Variants in PITPNA observed in about 807,000 individuals in gnomAD.
PITPNA encodes the protein phosphatidylinositol transfer protein alpha isoform.
PITPNA carries 13 observed loss-of-function variants against 50.3 expected under a neutral mutation model. The ratio of observed to expected loss-of-function variants is 0.26; its 90% CI spans 0.17 to 0.41. The LOEUF (loss-of-function observed/expected upper bound fraction) is 0.41, where lower values mean the gene tolerates loss of function less well. Among genes scored for constraint, PITPNA ranks in the 10% least tolerant of loss-of-function variants. The pLI is 1.00. For missense variants in PITPNA, 207 were observed against 333.4 expected (o/e 0.62, Z 2.95); for synonymous variants, 120 against 119.6 (o/e 1.00, Z -0.02).
At chr17:1,544,372 T>A (rs2075662733) in intron 4 of PITPNA, among the ~76,000 whole-genome samples, 1 of 152,210 alleles carries the variant, frequency 6.6e-6, no homozygotes, top group Non-Finnish European at 1.5e-5. Context: ...ACATTCATCT[T>A]TGTGAGACCC....
intron 10 of PITPNA, among the ~76,000 whole-genome samples, chr17:1,528,391 TTTA>T (rs2075560449): frequency 6.6e-6 from 1 of 152,176 alleles, no homozygotes; most frequent in Non-Finnish European, 1.5e-5. Flanking sequence ...TCAGCCCAAC[TTTA>T]GCCTCCCAAA....
chr17:1,549,201 C>A (rs769463645), intron 3 of PITPNA, among the ~76,000 whole-genome samples: 2 of 151,900 alleles, frequency 1.3e-5, no homozygotes, highest in Admixed American at 1.3e-4. Flanking sequence ...CCACCGCGCC[C>A]GGTCTCTTCT....
In PITPNA at chr17:1,521,596, C is replaced by T. The variant is rs777670789; in HGVS notation, c.*5G>A. 2.8e-5 allele frequency: 45 copies of T among 1,612,398 alleles called. 2 individuals are homozygous for T. Among genetic ancestry groups the T allele is most frequent in the Admixed American group, 8.3e-5 (5 of 59,994 alleles). On this transcript the variant is annotated 3_prime_UTR_variant, in exon 11 of 12. Coordinates refer to ENST00000313486, the MANE Select transcript of PITPNA (RefSeq NM_006224.4). ...GTACGTACAGTGCAGAGGGGAAAGG[C>T]GGCTTTAGTCATCTGCTGTCATTCC...
chr17:1,545,454 G>A (rs2075668224), intron 4 of PITPNA, among the ~76,000 whole-genome samples: 1 of 152,296 alleles, frequency 6.6e-6, no homozygotes, highest in Non-Finnish European at 1.5e-5. Flanking sequence ...TTTTAAAAGA[G>A]CAAGTGTCTA....
intron 4 of PITPNA, 38 bp downstream of exon 4, chr17:1,548,258 C>T (rs748799837): frequency 7.1e-6 from 10 of 1,405,244 alleles, no homozygotes; most frequent in African/African-American, 2.9e-5. Context: ...CTCTGCTGCC[C>T]GCCCCTGCCT....
At chr17:1,545,185 G>A (rs2075666665) in intron 4 of PITPNA, among the ~76,000 whole-genome samples, 1 of 152,034 alleles carries the variant, frequency 6.6e-6, no homozygotes, top group Non-Finnish European at 1.5e-5. Flanking sequence ...CAGCTTCAAG[G>A]GAAAAAGAGA....
Position 1,534,211 on chromosome 17 carries a change from C to T in PITPNA, c.656G>A (p.Arg219His). 1.2e-6 allele frequency: 2 copies of T among 1,613,886 alleles called. No individual in the cohort carries two copies. The highest frequency in any genetic ancestry group is 1.7e-6 in the Non-Finnish European group (2 of 1,179,840). ...VENFIHKQERRLFTNFHRQLF... is the reference protein window; with the variant it reads ...VENFIHKQERHLFTNFHRQLF... ...CTGCCTGTGGAAGTTTGTAAACAGA[C>T]GCCTCTCTTGCTATAGAAAGGAGGG... The change falls in exon 10 of 12, where the codon CGT becomes CAT. Residue 219 changes from arginine (R) to histidine (H), a missense_variant. By Grantham distance (29) the Arg-to-His change is conservative (BLOSUM62 0). Coordinates refer to ENST00000313486, the MANE Select transcript of PITPNA (RefSeq NM_006224.4).
At chr17:1,553,412 A>T (rs56255929) in intron 2 of PITPNA, among the ~76,000 whole-genome samples, 15 of 151,744 alleles carry the variant, frequency 9.9e-5, no homozygotes, top group South Asian at 4.2e-4. Context: ...TTATTTATTT[A>T]TTTTTTTTGG....
At chr17:1,522,071 C>CTTTTT (rs1555530261) in intron 10 of PITPNA, among the ~76,000 whole-genome samples, 4 of 141,668 alleles carry the variant, frequency 2.8e-5, no homozygotes, top group Middle Eastern at 3.7e-3. Flanking sequence ...TATGAAACAT[C>CTTTTT]TTTTTTTTTT....
chr17:1,558,115 C>T (rs537768750), intron 2 of PITPNA, among the ~76,000 whole-genome samples: 2 of 151,878 alleles, frequency 1.3e-5, no homozygotes, highest in South Asian at 2.1e-4. Flanking sequence ...CCTGTAATCC[C>T]GGCTACTTGG....
intron 5 of PITPNA, among the ~76,000 whole-genome samples, chr17:1,542,148 C>T (rs1011086027): frequency 1.3e-5 from 2 of 151,202 alleles, no homozygotes; most frequent in Admixed American, 6.6e-5. Flanking sequence ...TGCAGGGAGC[C>T]GAGATTGCAC....
Position 1,562,781 on chromosome 17 carries a change from G to T in PITPNA, c.-221C>A, listed in dbSNP as rs556659697. On this transcript the variant is annotated 5_prime_UTR_variant, in exon 1 of 12. Coordinates refer to ENST00000313486, the MANE Select transcript of PITPNA (RefSeq NM_006224.4). The surrounding 1 kb of genome is among the most constrained non-coding windows in gnomAD (Gnocchi z 6.4). Reference sequence around the variant, plus strand: ...CGACGCCGCCCGGAGCTCCGGTTCCGCAGCGCCGCGCGGGGGCGGGGCGTC... The same window carrying T: ...CGACGCCGCCCGGAGCTCCGGTTCCTCAGCGCCGCGCGGGGGCGGGGCGTC... 4 of 157,232 alleles carry T rather than the reference G, an allele frequency of 2.5e-5. No homozygotes were observed. The highest frequency in any genetic ancestry group is 5.5e-5 in the Non-Finnish European group (4 of 72,372). 9.7% of individuals were successfully genotyped at this position (157,232 alleles called of 1,614,324 possible).
intron 9 of PITPNA, among the ~76,000 whole-genome samples, 167 bp downstream of exon 9, chr17:1,535,015 C>A (rs533639100): frequency 1.3e-5 from 2 of 152,160 alleles, no homozygotes; most frequent in African/African-American, 4.8e-5. Context: ...AGGCCTCAGC[C>A]GAGCTACTTA....
chr17:1,522,172 C>T (rs1459889318), intron 10 of PITPNA, among the ~76,000 whole-genome samples: 4 of 150,548 alleles, frequency 2.7e-5, no homozygotes, highest in African/African-American at 2.5e-5. Context: ...CCCGGGTTCA[C>T]GCCATTCTCC....
intron 2 of PITPNA, among the ~76,000 whole-genome samples, chr17:1,556,894 G>C (rs889081787): frequency 1.3e-5 from 2 of 152,138 alleles, no homozygotes; most frequent in Non-Finnish European, 2.9e-5. Context: ...CTTGAGGCAA[G>C]ACCAGCGTGG....
At chr17:1,550,363 G>C (rs1184963325) in intron 3 of PITPNA, among the ~76,000 whole-genome samples, 4 of 152,186 alleles carry the variant, frequency 2.6e-5, no homozygotes, top group Non-Finnish European at 4.4e-5. Context: ...GCTCTGCGAG[G>C]AAAGTCAGGA....
intron 3 of PITPNA, among the ~76,000 whole-genome samples, chr17:1,549,540 T>C (rs11078489): frequency 7.6e-6 from 1 of 132,340 alleles, no homozygotes; most frequent in African/African-American, 3.0e-5. Flanking sequence ...ATGGTCTCAA[T>C]CTCCTGAGCT....
rs1164132196 is a variant in PITPNA at position 1,562,404 on chromosome 17, C to T, written c.20+137G>A. ...CCGCCCCGGATCCCCTCCATCCCCGCTGGGCCCGCCTCAGGCACCCTCCGT... is the reference window on the plus strand; with the variant it reads ...CCGCCCCGGATCCCCTCCATCCCCGTTGGGCCCGCCTCAGGCACCCTCCGT... On this transcript the variant is annotated intron_variant, in intron 1 of 11. Coordinates refer to ENST00000313486, the MANE Select transcript of PITPNA (RefSeq NM_006224.4). The surrounding 1 kb of genome is among the most constrained non-coding windows in gnomAD (Gnocchi z 6.4). 2 of 626,056 alleles carry T rather than the reference C, an allele frequency of 3.2e-6. No individual in the cohort carries two copies. Among genetic ancestry groups the T allele is most frequent in the Non-Finnish European group, 4.6e-6 (2 of 431,180 alleles). 38.8% of individuals were successfully genotyped at this position (626,056 alleles called of 1,614,324 possible).
At chr17:1,560,877 T>C (rs1011747234) in intron 1 of PITPNA, among the ~76,000 whole-genome samples, 1 of 152,200 alleles carries the variant, frequency 6.6e-6, no homozygotes, top group African/African-American at 2.4e-5. Context: ...GGTGTTTAGC[T>C]GGGATGACAT....
Sources: allele counts gnomAD v4.1 joint callset (sites outside exome capture counted in the v4.1 genomes callset), GRCh38; gene constraint gnomAD v4.1.1; non-coding constraint Gnocchi (gnomAD v3.1); transcripts MANE v1.5; gene names NCBI Gene and HGNC (gene_info 2026-07-23, HGNC 2026-07-21).